The following KLHL32 variants were observed in gnomAD, a reference collection of about 807,000 sequenced individuals.
The protein encoded by KLHL32 is kelch-like protein 32.
KLHL32 carries 35 observed loss-of-function variants against 64.8 expected under a neutral mutation model. The observed-to-expected ratio is 0.54, with a 90% confidence interval of 0.41 to 0.72. The LOEUF is 0.72. Ranked by LOEUF, KLHL32 falls within the 30% of genes least tolerant of loss-of-function variation. The probability of loss-of-function intolerance (pLI) is 0.00; values close to 1 mark genes in which losing one functional copy is unlikely to be tolerated. For synonymous variants in KLHL32, 259 were observed against 281.0 expected (o/e 0.92, Z 0.78); for missense variants, 589 against 768.5 (o/e 0.77, Z 2.76).
At chr6:97,028,509 A>T (rs1783055123) in intron 3 of KLHL32, among the ~76,000 whole-genome samples, 1 of 152,130 alleles carries the variant, frequency 6.6e-6, no homozygotes, top group African/African-American at 2.4e-5. Flanking sequence ...GCAGGCTTTC[A>T]ACCTTTTCTG....
At chr6:96,902,048 G>A in the KLHL32 span, among the ~76,000 whole-genome samples, 1 of 152,120 alleles carries the variant, frequency 6.6e-6, no homozygotes, top group Non-Finnish European at 1.5e-5. Flanking sequence ...ACATACATGT[G>A]CATATGTCTT....
intron 1 of KLHL32, among the ~76,000 whole-genome samples, chr6:96,940,266 G>A (rs1044204552): frequency 6.6e-6 from 1 of 152,146 alleles, no homozygotes; most frequent in African/African-American, 2.4e-5. Flanking sequence ...TTTTGATTGA[G>A]ATTGAAATTG....
At chr6:96,927,273 CG>C (rs1382496825) in intron 1 of KLHL32, among the ~76,000 whole-genome samples, 1 of 152,044 alleles carries the variant, frequency 6.6e-6, no homozygotes, top group African/African-American at 2.4e-5. Context: ...TATAGGAAGA[CG>C]TAGGATTGGT....
chr6:97,068,227 A>G (rs559607763), intron 5 of KLHL32, among the ~76,000 whole-genome samples: 2 of 152,280 alleles, frequency 1.3e-5, no homozygotes, highest in African/African-American at 4.8e-5. Context: ...AGCATATTAT[A>G]TTGTTTTATT....
chr6:96,999,852 C>T (rs1431975378), intron 3 of KLHL32, among the ~76,000 whole-genome samples: 4 of 152,170 alleles, frequency 2.6e-5, no homozygotes, highest in Non-Finnish European at 4.4e-5. Context: ...TAGACATTTA[C>T]CGAGCGTCTA....
intron 5 of KLHL32, among the ~76,000 whole-genome samples, chr6:97,080,967 C>T (rs1258349200): frequency 1.3e-5 from 2 of 152,122 alleles, no homozygotes; most frequent in African/African-American, 2.4e-5. Context: ...GCTTCTTTGG[C>T]TTGGAGCATC....
Position 97,140,077 on chromosome 6 carries a change from A to T in KLHL32, c.*795A>T, listed in dbSNP as rs1800516650. On this transcript the variant is annotated 3_prime_UTR_variant, in exon 11 of 11. Transcript: ENST00000369261. ...TTTAGAACCTTGTAATTGAACAGGG[A>T]GATTATTTTTGAAGTTTAAAAATTA... The T allele has an allele frequency of 6.6e-6, 1 of 152,142 alleles. No homozygotes were observed. The highest frequency in any genetic ancestry group is 2.1e-4 in the South Asian group (1 of 4,834). 9.4% of individuals were successfully genotyped at this position (152,142 alleles called of 1,614,324 possible).
At position 97,085,122 on chromosome 6, in the gene KLHL32, C is replaced by G; in HGVS notation, c.412-4C>G. On this transcript the variant is annotated splice_region_variant and splice_polypyrimidine_tract_variant and intron_variant, in intron 5 of 10. Transcript: ENST00000369261. ...TTTTTTCATTTTTATTTTTTGGCAC[C>G]CAGGAATTAAATAGCTTTAATTACT... 3 of 1,605,108 alleles carry G rather than the reference C, an allele frequency of 1.9e-6. No homozygotes were observed. The highest frequency in any genetic ancestry group is 2.6e-6 in the Non-Finnish European group (3 of 1,175,268).
chr6:96,924,801 G>GCGCACA lies in KLHL32; in HGVS notation c.-290_-289insGCACAC, dbSNP rs879144649. The GCGCACA allele has an allele frequency of 1.1e-4, 16 of 149,008 alleles. No homozygotes were observed. Among genetic ancestry groups the GCGCACA allele is most frequent in the Admixed American group, 6.7e-4 (10 of 15,026 alleles). The allele number at this position is 149,008 out of a possible 1,614,324, so 9.2% of individuals were successfully genotyped here. A position where few individuals can be genotyped will look rare whatever the true frequency, so the allele number is the denominator to read the frequency against. ...CAGTCGCGCGCACACACGCACGCAG[G>GCGCACA]CACACACACACACACACACACACAC... On this transcript the variant is annotated 5_prime_UTR_variant, in exon 1 of 11. Coordinates refer to ENST00000369261, the MANE Select transcript of KLHL32 (RefSeq NM_052904.4).
the KLHL32 span, among the ~76,000 whole-genome samples, chr6:96,912,709 A>G: frequency 6.6e-6 from 1 of 152,018 alleles, no homozygotes; most frequent in South Asian, 2.1e-4. Flanking sequence ...AGTATTAGCT[A>G]TTATTATTAT....
chr6:97,115,041 G>A (rs565561433), intron 7 of KLHL32, among the ~76,000 whole-genome samples: 1 of 152,164 alleles, frequency 6.6e-6, no homozygotes, highest in Non-Finnish European at 1.5e-5. Flanking sequence ...TTCAGATAGG[G>A]TCTCACTCTT....
At chr6:97,033,537 A>G (rs1047365072) in intron 3 of KLHL32, among the ~76,000 whole-genome samples, 2 of 152,130 alleles carry the variant, frequency 1.3e-5, no homozygotes, top group African/African-American at 4.8e-5. Context: ...CTTTGCATAC[A>G]TACCCAGAAG....
intron 1 of KLHL32, among the ~76,000 whole-genome samples, chr6:96,941,640 C>T (rs1771301954): frequency 1.3e-5 from 2 of 152,096 alleles, no homozygotes; most frequent in African/African-American, 4.8e-5. Flanking sequence ...CCACGAAAGC[C>T]CCTCTTATGC....
chr6:96,921,775 A>T (rs1768762445), upstream of KLHL32, among the ~76,000 whole-genome samples: 1 of 152,160 alleles, frequency 6.6e-6, no homozygotes, highest in Non-Finnish European at 1.5e-5. Context: ...TTCAAATCTG[A>T]TTCTTCCAGA....
intron 1 of KLHL32, among the ~76,000 whole-genome samples, chr6:96,936,756 A>G (rs1362772639): frequency 6.6e-6 from 1 of 152,130 alleles, no homozygotes; most frequent in Non-Finnish European, 1.5e-5. Context: ...AGCAGCTTCC[A>G]TCCCAAGAAC....
intron 3 of KLHL32, among the ~76,000 whole-genome samples, chr6:96,997,836 A>C (rs543758195): frequency 3.9e-5 from 6 of 152,288 alleles, no homozygotes; most frequent in Admixed American, 2.6e-4. Flanking sequence ...ACCATAAAAA[A>C]CGTACAAACC....
At chr6:96,981,324 T>C (rs1372585538) in intron 3 of KLHL32, among the ~76,000 whole-genome samples, 1 of 152,178 alleles carries the variant, frequency 6.6e-6, no homozygotes, top group Non-Finnish European at 1.5e-5. Flanking sequence ...CCATTTCTAC[T>C]AAATTATATC....
At chr6:97,128,301 C>G (rs192800877) in intron 8 of KLHL32, among the ~76,000 whole-genome samples, 28 of 152,290 alleles carry the variant, frequency 1.8e-4, no homozygotes, top group Admixed American at 5.9e-4. Flanking sequence ...AGGCATTTCT[C>G]TCTTTGCAAA....
upstream of KLHL32, among the ~76,000 whole-genome samples, chr6:96,924,364 T>C (rs1768877297): frequency 6.6e-6 from 1 of 151,610 alleles, no homozygotes; most frequent in South Asian, 2.1e-4. Context: ...ACTGCGCATG[T>C]GACCCAGGGG....
Sources: allele counts gnomAD v4.1 joint callset (sites outside exome capture counted in the v4.1 genomes callset), GRCh38; gene constraint gnomAD v4.1.1; transcripts MANE v1.5; gene names NCBI Gene and HGNC (gene_info 2026-07-23, HGNC 2026-07-21).